The following INSL6 variants were observed in gnomAD, a reference collection of about 807,000 sequenced individuals.
The protein encoded by INSL6 is insulin-like peptide INSL6.
In INSL6, 16 loss-of-function variants were observed where a neutral mutation model predicts 9.4. The observed-to-expected ratio is 1.70, with a 90% CI of 1.15 to 2.59. INSL6 has a LOEUF of 2.59. INSL6 is among the 30% of genes most tolerant of loss of function. The pLI, the probability that INSL6 is intolerant of heterozygous loss-of-function variation, is 0.00. For synonymous variants in INSL6, 154 were observed against 96.9 expected (o/e 1.59, Z -3.46); for missense variants, 391 against 257.3 (o/e 1.52, Z -3.56).
intron 2 of INSL6, among the ~76,000 whole-genome samples, chr9:5,143,628 C>G (rs979278431): frequency 4.0e-5 from 6 of 150,736 alleles, no homozygotes; most frequent in African/African-American, 1.5e-4. Flanking sequence ...TTAGTTTTTT[C>G]AAATAAACAG....
At chr9:5,123,148 G>T, downstream of INSL6, 1 of 1,451,834 alleles carries the variant, frequency 6.9e-7, no homozygotes, top group Non-Finnish European at 9.5e-7. Context: ...TTTACTTTCA[G>T]TTTTTTGTTT....
chr9:5,069,380 T>C, the INSL6 span, among the ~76,000 whole-genome samples: 1 of 152,142 alleles, frequency 6.6e-6, no homozygotes, highest in African/African-American at 2.4e-5. Flanking sequence ...TACTTTGGTT[T>C]TGGTGGTCTA....
the INSL6 span, chr9:5,090,501 CTA>C: frequency 6.3e-7 from 1 of 1,589,848 alleles, no homozygotes; most frequent in Non-Finnish European, 8.6e-7. Flanking sequence ...GTTTACGAGA[CTA>C]TCTTCAAAAA....
chr9:5,089,135 A>ATATT, the INSL6 span, among the ~76,000 whole-genome samples: 3 of 152,242 alleles, frequency 2.0e-5, no homozygotes, highest in Non-Finnish European at 4.4e-5. Flanking sequence ...GAAGTAATTT[A>ATATT]TATTTCAGCC....
downstream of INSL6, among the ~76,000 whole-genome samples, chr9:5,160,543 A>G (rs1161677617): frequency 6.6e-6 from 1 of 152,184 alleles, no homozygotes; most frequent in African/African-American, 2.4e-5. Context: ...TTAAAGAACT[A>G]GAAAAGCAAG....
At chr9:5,168,585 C>A (rs2381212) in intron 1 of INSL6, among the ~76,000 whole-genome samples, 145,592 of 152,120 alleles carry the variant, frequency 0.96, 69,734 homozygotes, top group East Asian at 1. Flanking sequence ...GATTATCTTA[C>A]AAGACTGAAC....
chr9:5,131,017 C>T (rs1824269004), intron 3 of INSL6, among the ~76,000 whole-genome samples: 1 of 151,980 alleles, frequency 6.6e-6, no homozygotes, highest in Non-Finnish European at 1.5e-5. Context: ...GCGTGAGCCA[C>T]CGCGCCCAGC....
the INSL6 span, among the ~76,000 whole-genome samples, chr9:5,019,727 T>G: frequency 6.6e-6 from 1 of 152,206 alleles, no homozygotes; most frequent in Non-Finnish European, 1.5e-5. Context: ...CTGGGGTGTT[T>G]GTTGGCCAGG....
the INSL6 span, among the ~76,000 whole-genome samples, chr9:5,058,350 C>G: frequency 6.6e-6 from 1 of 152,154 alleles, no homozygotes; most frequent in African/African-American, 2.4e-5. Flanking sequence ...GCAAGGAAGC[C>G]ATGTCTTACA....
chr9:5,106,793 G>A, the INSL6 span, among the ~76,000 whole-genome samples: 721 of 152,232 alleles, frequency 4.7e-3, 4 homozygotes, highest in Non-Finnish European at 7.2e-3. Flanking sequence ...GCAAACTAGC[G>A]CAAGGACAGA....
the INSL6 span, among the ~76,000 whole-genome samples, chr9:5,106,501 A>C: frequency 6.6e-6 from 1 of 152,216 alleles, no homozygotes; most frequent in Non-Finnish European, 1.5e-5. Flanking sequence ...GCGACTCCTC[A>C]AGGATCTAGA....
intron 1 of INSL6, among the ~76,000 whole-genome samples, chr9:5,177,264 C>T (rs936721338): frequency 6.6e-6 from 1 of 152,122 alleles, no homozygotes; most frequent in African/African-American, 2.4e-5. Flanking sequence ...GAATGGCCTA[C>T]CAAGGAACAG....
At chr9:5,055,245 T>C in the INSL6 span, among the ~76,000 whole-genome samples, 1 of 152,066 alleles carries the variant, frequency 6.6e-6, no homozygotes, top group Admixed American at 6.5e-5. Flanking sequence ...TTTATGATAA[T>C]ATATACCTGC....
the INSL6 span, among the ~76,000 whole-genome samples, chr9:5,000,442 TGTA>T: frequency 2.0e-5 from 3 of 152,222 alleles, no homozygotes; most frequent in Admixed American, 6.5e-5. Context: ...AAAATGTTTA[TGTA>T]GTTTAAAGGA....
chr9:5,086,160 G>T, the INSL6 span: 1 of 363,262 alleles, frequency 2.8e-6, no homozygotes, highest in Non-Finnish European at 4.3e-6. Context: ...TCGGGGAGCG[G>T]TCTCCACGCC....
Position 5,185,337 on chromosome 9 carries a change from G to T in INSL6, c.266C>A (p.Ala89Asp), listed in dbSNP as rs866705752. The T allele has an allele frequency of 1.2e-6, 2 of 1,614,108 alleles. No individual in the cohort carries two copies. Among genetic ancestry groups the T allele is most frequent in the African/African-American group, 2.7e-5 (2 of 75,034 alleles). Reference sequence around the variant, plus strand: ...ACCTGGGTTTGTGCCTCTTCCCCGGGCCGGGGAAGCGGTTTGCGGGCTTTC... The same window carrying T: ...ACCTGGGTTTGTGCCTCTTCCCCGGTCCGGGGAAGCGGTTTGCGGGCTTTC... ...QFESPQTASP[A>D]RGRGTNPVST... The change falls in exon 1 of 2, where the codon GCC (alanine) becomes GAC (aspartate). Residue 89 changes from alanine (A) to aspartate (D), a missense_variant. Coordinates refer to ENST00000381641, the MANE Select transcript of INSL6 (RefSeq NM_007179.3).
the INSL6 span, among the ~76,000 whole-genome samples, chr9:5,065,336 T>C: frequency 6.6e-6 from 1 of 152,224 alleles, no homozygotes; most frequent in African/African-American, 2.4e-5. Flanking sequence ...CAATTTATGT[T>C]TTATTAATTT....
chr9:5,185,455 A>G lies in INSL6; in HGVS notation c.148T>C (p.Trp50Arg), dbSNP rs1825552848. 1 of 1,614,056 alleles carries G rather than the reference A, an allele frequency of 6.2e-7. No homozygotes were observed. The highest frequency in any genetic ancestry group is 1.1e-5 in the South Asian group (1 of 91,080). Residue 50 changes from tryptophan (W) to arginine (R), a missense_variant, in exon 1 of 2, where the codon TGG becomes CGG. Transcript: ENST00000381641. ...EIEKLCGHANWSQFRFEEETP... is the reference protein window; with the variant it reads ...EIEKLCGHANRSQFRFEEETP... ...TCCTCCTCGAAACGGAACTGGCTCCAGTTGGCATGGCCGCAGAGTTTTTCT... is the reference window on the plus strand; with the variant it reads ...TCCTCCTCGAAACGGAACTGGCTCCGGTTGGCATGGCCGCAGAGTTTTTCT...
chr9:5,041,511 C>T, the INSL6 span: 13 of 563,296 alleles, frequency 2.3e-5, no homozygotes, highest in Non-Finnish European at 4.2e-5. Flanking sequence ...GGACACATAG[C>T]GCGCCACGCC....
Sources: gnomAD v4.1 joint callset for allele counts (sites outside exome capture counted in the v4.1 genomes callset) on GRCh38, gnomAD v4.1.1 for gene constraint, MANE v1.5 for transcripts, NCBI Gene and HGNC (gene_info 2026-07-23, HGNC 2026-07-21) for gene names.